ABCB1: variants seen among roughly 807,000 people sequenced by gnomAD.
ABCB1 encodes the protein ATP binding cassette subfamily B member 1, also known as ATP-dependent translocase ABCB1.
In ABCB1, 69 loss-of-function variants were observed where a neutral mutation model predicts 142.0. That is an observed-to-expected ratio of 0.49 (90% CI 0.40 to 0.59). ABCB1 has a LOEUF of 0.59. Among genes scored for constraint, ABCB1 ranks in the 20% least tolerant of loss-of-function variants. The pLI is 0.00. For synonymous variants in ABCB1, 532 were observed against 539.2 expected (o/e 0.99, Z 0.18); for missense variants, 1,326 against 1,554.7 (o/e 0.85, Z 2.47).
chr7:87,662,295 C>T (rs1824791151), intron 1 of ABCB1, among the ~76,000 whole-genome samples: 1 of 152,060 alleles, frequency 6.6e-6, no homozygotes, highest in South Asian at 2.1e-4. Context: ...GTTCCCTGTT[C>T]TTATGGGGTG....
At chr7:87,558,100 G>C (rs901817120) in intron 8 of ABCB1, among the ~76,000 whole-genome samples, 5 of 152,198 alleles carry the variant, frequency 3.3e-5, no homozygotes, top group African/African-American at 1.2e-4. Context: ...GCAGGTCTGA[G>C]CATGAATTCA....
chr7:87,544,276 C>A lies in ABCB1; in HGVS notation c.2065-1G>T. The stretch of plus-strand genomic sequence containing the variant: ...AGGAAACTGGAGGTATACTTTCATC[C>A]TAGAAAACACAAATTATTACAACAG... On this transcript the variant is annotated splice_acceptor_variant, in intron 16 of 27. Transcript: ENST00000622132. LOFTEE classifies it high-confidence loss of function. 1 of 1,612,422 alleles carries A rather than the reference C, an allele frequency of 6.2e-7. No individual in the cohort carries two copies. Among genetic ancestry groups the A allele is most frequent in the Non-Finnish European group, 8.5e-7 (1 of 1,179,728 alleles).
chr7:87,686,521 A>T (rs1300084708), intron 1 of ABCB1, among the ~76,000 whole-genome samples: 1 of 152,200 alleles, frequency 6.6e-6, no homozygotes, highest in Admixed American at 6.5e-5. Flanking sequence ...GGCCACATAG[A>T]TTAAGAAAAA....
intron 4 of ABCB1, 85 bp downstream of exon 4, chr7:87,585,427 T>C (rs1818701959): frequency 7.3e-7 from 1 of 1,373,276 alleles, no homozygotes; most frequent in Non-Finnish European, 1.0e-6. Flanking sequence ...CTAATGTGTA[T>C]TTAGTAAAGA....
At chr7:87,658,586 G>A (rs752466750) in intron 1 of ABCB1, among the ~76,000 whole-genome samples, 2 of 152,086 alleles carry the variant, frequency 1.3e-5, no homozygotes, top group Non-Finnish European at 2.9e-5. Context: ...CCAAAGGCAC[G>A]ATAATTAAAC....
At position 87,531,335 on chromosome 7, in the gene ABCB1, G is replaced by C. The variant is rs1325417202; in HGVS notation, c.2644C>G (p.Gln882Glu). 1 of 1,613,252 alleles carries C rather than the reference G, an allele frequency of 6.2e-7. No individual in the cohort carries two copies. The highest frequency in any genetic ancestry group is 8.5e-7 in the Non-Finnish European group (1 of 1,179,646). ...GVVEMKMLSG[Q>E]ALKDKKELEG... ...AGTTCTTTCTTATCTTTCAGTGCTT[G>C]TCCAGACAACATTTTCATTTCAACA... The change falls in exon 21 of 28, where the codon CAA becomes GAA. Residue 882 changes from glutamine to glutamate, a missense_variant. Transcript: ENST00000622132.
chr7:87,616,454 A>G (rs537097661), intron 1 of ABCB1, among the ~76,000 whole-genome samples: 1 of 152,340 alleles, frequency 6.6e-6, no homozygotes, highest in African/African-American at 2.4e-5. Context: ...TTAAGCAGAA[A>G]CAATGTTAAG....
intron 1 of ABCB1, chr7:87,693,828 G>T: frequency 2.2e-6 from 3 of 1,347,922 alleles, no homozygotes; most frequent in East Asian, 2.3e-5. Context: ...TCTTAGTTGG[G>T]CTATTCAGTT....
intron 7 of ABCB1, among the ~76,000 whole-genome samples, chr7:87,561,844 G>A (rs1367219578): frequency 1.3e-5 from 2 of 152,094 alleles, no homozygotes; most frequent in Non-Finnish European, 2.9e-5. Flanking sequence ...AAATTAGCTA[G>A]GTGTGGTGGC....
chr7:87,524,155 T>C (rs1332783641), intron 21 of ABCB1, among the ~76,000 whole-genome samples: 1 of 151,374 alleles, frequency 6.6e-6, no homozygotes, highest in Non-Finnish European at 1.5e-5. Context: ...TCAAAATCTA[T>C]CAGAAGTAAA....
chr7:87,515,084 G>T, intron 25 of ABCB1, 147 bp downstream of exon 25: 1 of 1,053,252 alleles, frequency 9.5e-7, no homozygotes, highest in South Asian at 1.5e-5. Context: ...ACACCACTTG[G>T]AGACCATATT....
rs200926340 is a variant in ABCB1 at position 87,512,130 on chromosome 7, A to AT, written c.3283-2650dup. Among the ~76,000 whole-genome samples, 140 of 150,730 alleles carry AT rather than the reference A, an allele frequency of 9.3e-4. 1 individual carries two copies. The highest frequency in any genetic ancestry group is 3.1e-3 in the African/African-American group (128 of 41,014). ...TTTAAGCTTCCAGTATTTGGTTATG[A>AT]TTTTTTTTTCATTTGAAGTAAATAT... On this transcript the variant is annotated intron_variant, in intron 25 of 27. Transcript: ENST00000622132.
At chr7:87,556,300 T>C (rs1185284048) in intron 8 of ABCB1, among the ~76,000 whole-genome samples, 3 of 152,162 alleles carry the variant, frequency 2.0e-5, no homozygotes, top group Admixed American at 6.5e-5. Context: ...GAAATAAATA[T>C]TAATAGATAA....
At chr7:87,590,613 G>A (rs1411160171) in intron 3 of ABCB1, among the ~76,000 whole-genome samples, 1 of 152,158 alleles carries the variant, frequency 6.6e-6, no homozygotes, top group Non-Finnish European at 1.5e-5. Flanking sequence ...CCAATGCAAA[G>A]GTACTTAGGT....
At chr7:87,683,463 C>G (rs1563130878) in intron 1 of ABCB1, among the ~76,000 whole-genome samples, 1 of 152,150 alleles carries the variant, frequency 6.6e-6, no homozygotes, top group Non-Finnish European at 1.5e-5. Flanking sequence ...ATATATGCCA[C>G]TCTTCACTTA....
At chr7:87,517,364 T>TTC (rs3028303) in intron 23 of ABCB1, among the ~76,000 whole-genome samples, 22,662 of 151,166 alleles carry the variant, frequency 0.15, 1,960 homozygotes, top group African/African-American at 0.24. Context: ...CTCTCTCTCT[T>TTC]TCTCTCTCTC....
Position 87,657,335 on chromosome 7 carries a change from A to G in ABCB1, c.-331+55826T>C, listed in dbSNP as rs548276582. Among the ~76,000 whole-genome samples the G allele has an allele frequency of 2.6e-5, 4 of 152,300 alleles. No homozygotes were observed. The East Asian group carries it at 7.7e-4, about 29-fold the overall frequency. On this transcript the variant is annotated intron_variant, in intron 1 of 28. Coordinates refer to the ABCB1 transcript ENST00000265724. Reference sequence around the variant, plus strand: ...CACAAGATACTATTCTCTCTAGCCAAAGGACCAGAGAAAGAACAGCCTAGC... The same window carrying G: ...CACAAGATACTATTCTCTCTAGCCAGAGGACCAGAGAAAGAACAGCCTAGC...
chr7:87,682,921 A>G (rs1036386512), intron 1 of ABCB1, among the ~76,000 whole-genome samples: 1 of 152,242 alleles, frequency 6.6e-6, no homozygotes, highest in African/African-American at 2.4e-5. Flanking sequence ...TCTTCTTCCA[A>G]TATAAAGCTG....
rs1378041841 is a variant in ABCB1 at position 87,556,658 on chromosome 7, CT to C, written c.828-2727del. Among the ~76,000 whole-genome samples, 6 of 152,336 alleles carry C rather than the reference CT, an allele frequency of 3.9e-5. No homozygotes were observed. The South Asian group carries it at 8.3e-4, about 21-fold the overall frequency. On this transcript the variant is annotated intron_variant, in intron 8 of 27. Coordinates refer to ENST00000622132, the MANE Select transcript of ABCB1 (RefSeq NM_001348946.2). The stretch of plus-strand genomic sequence containing the variant: ...GGGAGATGCTCTGGCCTGGACCATT[CT>C]GCCGGCCTCCCCACTGGTCTCCCTG...
Sources: allele counts gnomAD v4.1 joint callset (sites outside exome capture counted in the v4.1 genomes callset), GRCh38; gene constraint gnomAD v4.1.1; transcripts MANE v1.5; gene names NCBI Gene and HGNC (gene_info 2026-07-23, HGNC 2026-07-21).